The following PAPPA variants were observed in gnomAD, a reference collection of about 807,000 sequenced individuals.
The protein encoded by PAPPA is pappalysin 1.
Under a neutral mutation model 164.0 loss-of-function variants are expected in PAPPA, and 60 were observed. The ratio of observed to expected loss-of-function variants is 0.37; its 90% confidence interval spans 0.30 to 0.45. The LOEUF (loss-of-function observed/expected upper bound fraction) is 0.45, where lower values mean the gene tolerates loss of function less well. Ranked by LOEUF, PAPPA falls within the 20% of genes least tolerant of loss-of-function variation. The pLI, the probability that PAPPA is intolerant of heterozygous loss-of-function variation, is 1.00. For synonymous variants in PAPPA, 875 were observed against 814.1 expected, an observed-to-expected ratio of 1.07 and a Z score of -1.27; for missense variants, 1,782 against 2,087.3, an observed-to-expected ratio of 0.85 and a Z score of 2.85.
chr9:116,354,849 C>G (rs1449371039), intron 17 of PAPPA, among the ~76,000 whole-genome samples: 1 of 152,098 alleles, frequency 6.6e-6, no homozygotes, highest in African/African-American at 2.4e-5. Flanking sequence ...GAACCAGGAG[C>G]CCCCGTCCCT....
chr9:116,304,556 G>A (rs1845620149), intron 10 of PAPPA, among the ~76,000 whole-genome samples: 1 of 152,176 alleles, frequency 6.6e-6, no homozygotes, highest in African/African-American at 2.4e-5. Context: ...AAGAGTTGAG[G>A]TAGCAGCTGT....
At chr9:116,357,980 C>T (rs1846375637) in intron 17 of PAPPA, among the ~76,000 whole-genome samples, 1 of 152,140 alleles carries the variant, frequency 6.6e-6, no homozygotes, top group African/African-American at 2.4e-5. Flanking sequence ...GGGTGTAGAG[C>T]TGCACTCTCC....
rs1846975092 is a variant in PAPPA at position 116,397,106 on chromosome 9, C to T, written c.*490C>T. The T allele has an allele frequency of 6.4e-6, 1 of 155,476 alleles. No homozygotes were observed. Among genetic ancestry groups the T allele is most frequent in the Admixed American group, 6.4e-5 (1 of 15,674 alleles). The allele number at this position is 155,476 out of a possible 1,614,324, so 9.6% of individuals were successfully genotyped here. On this transcript the variant is annotated 3_prime_UTR_variant, in exon 22 of 22. Coordinates refer to ENST00000328252, the MANE Select transcript of PAPPA (RefSeq NM_002581.5). The stretch of plus-strand genomic sequence containing the variant: ...AAGAAATTTGCAGAAACTGCTAAGA[C>T]CAAGTGTGGAGATGTCAAGCTAGTT...
intron 6 of PAPPA, among the ~76,000 whole-genome samples, chr9:116,233,298 T>C (rs1210667717): frequency 2.0e-5 from 3 of 152,228 alleles, no homozygotes; most frequent in African/African-American, 7.2e-5. Context: ...AACTAGGAGA[T>C]GTGTTTCATA....
chr9:116,165,254 T>A (rs902731409), intron 1 of PAPPA, among the ~76,000 whole-genome samples: 1 of 152,206 alleles, frequency 6.6e-6, no homozygotes, highest in East Asian at 1.9e-4. Context: ...TGTCTACTAA[T>A]GGTAGTTATT....
chr9:116,280,101 G>A (rs918845477), intron 9 of PAPPA, among the ~76,000 whole-genome samples: 30 of 152,112 alleles, frequency 2.0e-4, no homozygotes, highest in African/African-American at 6.8e-4. Context: ...ATGTGCAGTC[G>A]GACCCAGGCA....
chr9:116,184,032 A>C (rs1295518152), intron 1 of PAPPA, among the ~76,000 whole-genome samples: 1 of 152,220 alleles, frequency 6.6e-6, no homozygotes, highest in Non-Finnish European at 1.5e-5. Flanking sequence ...AGAGAGACAG[A>C]GAAAGAGAGA....
intron 7 of PAPPA, among the ~76,000 whole-genome samples, chr9:116,256,184 A>G (rs1443776849): frequency 6.6e-6 from 1 of 151,998 alleles, no homozygotes; most frequent in Non-Finnish European, 1.5e-5. Context: ...CATCAAAATA[A>G]GGGTCAGTAA....
At chr9:116,375,140 T>C (rs1412237356) in intron 19 of PAPPA, among the ~76,000 whole-genome samples, 1 of 152,218 alleles carries the variant, frequency 6.6e-6, no homozygotes, top group African/African-American at 2.4e-5. Flanking sequence ...ATCTTGTGGA[T>C]GAGAGAACCA....
intron 19 of PAPPA, among the ~76,000 whole-genome samples, chr9:116,372,515 C>T (rs1170965045): frequency 6.6e-6 from 1 of 152,074 alleles, no homozygotes; most frequent in Non-Finnish European, 1.5e-5. Flanking sequence ...ATAGACTATT[C>T]CAGTCTGGAG....
At chr9:116,174,619 T>A (rs891191209) in intron 1 of PAPPA, among the ~76,000 whole-genome samples, 10 of 152,196 alleles carry the variant, frequency 6.6e-5, no homozygotes, top group African/African-American at 2.4e-4. Context: ...TTAGACACAG[T>A]TGGCACAGTG....
In PAPPA at chr9:116,302,738, C is replaced by A; in HGVS notation, c.2954-19C>A. On this transcript the variant is annotated intron_variant, in intron 9 of 21. Transcript: ENST00000328252. ...AAATATTTATTTATTCTCTCCCTTT[C>A]TATGTCAATCTTTTGCAGATGAACC... 6.3e-7 allele frequency: 1 copy of A among 1,596,146 alleles called. No homozygotes were observed. Among genetic ancestry groups the A allele is most frequent in the Non-Finnish European group, 8.6e-7 (1 of 1,165,906 alleles).
At chr9:116,275,120 G>A (rs1001428294) in intron 9 of PAPPA, among the ~76,000 whole-genome samples, 2 of 152,172 alleles carry the variant, frequency 1.3e-5, no homozygotes, top group Admixed American at 6.5e-5. Flanking sequence ...TGTTCCATAC[G>A]TAACCAATAT....
At chr9:116,158,515 T>A (rs1843628752) in intron 1 of PAPPA, among the ~76,000 whole-genome samples, 1 of 152,206 alleles carries the variant, frequency 6.6e-6, no homozygotes. Context: ...TTCACCTTCC[T>A]CATGTACAGA....
intron 7 of PAPPA, among the ~76,000 whole-genome samples, chr9:116,238,305 C>T (rs141973834): frequency 6.6e-6 from 1 of 152,312 alleles, no homozygotes; most frequent in East Asian, 1.9e-4. Flanking sequence ...GGCCCCAGTC[C>T]AGCCTAGTGA....
chr9:116,344,823 T>G, intron 14 of PAPPA, 112 bp downstream of exon 14: 1 of 764,010 alleles, frequency 1.3e-6, no homozygotes, highest in Non-Finnish European at 2.1e-6. Context: ...TGCTGCCACA[T>G]AGTAGGTGCT....
At position 116,398,902 on chromosome 9, in the gene PAPPA, T is replaced by C. The variant is rs1394011904; in HGVS notation, c.*2286T>C. The C allele has an allele frequency of 1.4e-5, 5 of 355,780 alleles. No individual in the cohort carries two copies. Among genetic ancestry groups the C allele is most frequent in the African/African-American group, 2.1e-5 (1 of 46,682 alleles). 22.0% of individuals were successfully genotyped at this position (355,780 alleles called of 1,614,324 possible). ...ACCCCTCTCCAGTATCTTCACACTC[T>C]TGTCAACTCTCCAGGCCTCTCTCTT... On this transcript the variant is annotated 3_prime_UTR_variant, in exon 22 of 22. Transcript: ENST00000328252.
At chr9:116,315,613 T>G (rs185271904) in intron 10 of PAPPA, among the ~76,000 whole-genome samples, 3 of 152,304 alleles carry the variant, frequency 2.0e-5, no homozygotes, top group South Asian at 4.1e-4. Flanking sequence ...GTGATTGGCT[T>G]CCTACAGAGA....
chr9:116,211,402 G>A (rs1029109065), intron 3 of PAPPA, among the ~76,000 whole-genome samples: 2 of 152,088 alleles, frequency 1.3e-5, no homozygotes, highest in Non-Finnish European at 2.9e-5. Flanking sequence ...TTAAGCATTG[G>A]CGTTTTCATA....
Sources: allele counts gnomAD v4.1 joint callset (sites outside exome capture counted in the v4.1 genomes callset), GRCh38; gene constraint gnomAD v4.1.1; transcripts MANE v1.5; gene names NCBI Gene and HGNC (gene_info 2026-07-23, HGNC 2026-07-21).